Variants in CEP68 observed in about 807,000 individuals in gnomAD.
CEP68 encodes centrosomal protein of 68 kDa.
In CEP68, 26 loss-of-function variants were observed where a neutral mutation model predicts 55.3. The ratio of observed to expected loss-of-function variants is 0.47; its 90% confidence interval spans 0.34 to 0.65. The LOEUF is 0.65. Ranked by LOEUF, CEP68 falls within the 30% of genes least tolerant of loss-of-function variation. The pLI is 0.01. For synonymous variants in CEP68, 402 were observed against 383.2 expected (o/e 1.05, Z -0.57); for missense variants, 957 against 946.7 (o/e 1.01, Z -0.14).
chr2:65,071,633 A>G lies in CEP68; in HGVS notation c.537A>G (p.Ser179=). 2 of 1,614,170 alleles carry G rather than the reference A, an allele frequency of 1.2e-6. No homozygotes were observed. Among genetic ancestry groups the G allele is most frequent in the Non-Finnish European group, 8.5e-7 (1 of 1,180,028 alleles). ...ACAGCTCAGGTCTCTCTTGCCTGTCACAGTGGAAGTCCGTGCTGAGCCCAG... is the reference window on the plus strand; with the variant it reads ...ACAGCTCAGGTCTCTCTTGCCTGTCGCAGTGGAAGTCCGTGCTGAGCCCAG... ...QPHSSGLSCL[S]QWKSVLSPGS... Residue 179 remains serine (S), a synonymous_variant, in exon 3 of 7, where the codon TCA becomes TCG. Transcript: ENST00000377990.
chr2:65,082,576 T>C lies in CEP68; in HGVS notation c.2145T>C (p.Gly715=), dbSNP rs1668883933. 3 of 1,598,998 alleles carry C rather than the reference T, an allele frequency of 1.9e-6. No homozygotes were observed. Among genetic ancestry groups the C allele is most frequent in the Non-Finnish European group, 2.6e-6 (3 of 1,175,482 alleles). The change falls in exon 6 of 7, where the codon GGT becomes GGC. Residue 715 remains glycine, a synonymous_variant. Coordinates refer to ENST00000377990, the MANE Select transcript of CEP68 (RefSeq NM_015147.3). ...TTGGGAGGATCGCAAAGCAGTCTGG[T>C]GAGCTGGAGAGCCACGCAGATCGCC... ...DVLGRIAKQS[G]ELESHADRLY...
chr2:65,062,898 G>A (rs1220310725), intron 1 of CEP68, among the ~76,000 whole-genome samples: 2 of 152,114 alleles, frequency 1.3e-5, no homozygotes, highest in Non-Finnish European at 2.9e-5. Flanking sequence ...CTCTCTAGTT[G>A]ATCATTCATC....
rs762895922 is a variant in CEP68 at position 65,074,418 on chromosome 2, C to G, written c.2007+14C>G. ...CAGCTTTACCGGGTAATATGCGGTC[C>G]TGGCTCTGGCTTGTTCCCTCACAAG... On this transcript the variant is annotated intron_variant, in intron 4 of 6. Coordinates refer to ENST00000377990, the MANE Select transcript of CEP68 (RefSeq NM_015147.3). 3 of 1,613,900 alleles carry G rather than the reference C, an allele frequency of 1.9e-6. No homozygotes were observed. In the African/African-American group the frequency reaches 4.0e-5, roughly 22 times the overall value.
At chr2:65,062,878 A>T (rs1675981824) in intron 1 of CEP68, among the ~76,000 whole-genome samples, 1 of 151,880 alleles carries the variant, frequency 6.6e-6, no homozygotes, top group East Asian at 1.9e-4. Context: ...TTTTGTTGAA[A>T]GGAGGATTGC....
chr2:65,068,342 C>G (rs954221574), intron 1 of CEP68, among the ~76,000 whole-genome samples: 1 of 152,206 alleles, frequency 6.6e-6, no homozygotes, highest in Non-Finnish European at 1.5e-5. Flanking sequence ...TTTGCAGATT[C>G]AGCTCCCAAA....
rs148435152 is a variant in CEP68 at position 65,071,618 on chromosome 2, T to A, written c.522T>A (p.Gly174=). 347 of 1,614,096 alleles carry A rather than the reference T, an allele frequency of 2.1e-4. 1 individual carries two copies. The African/African-American group carries it at 4.1e-3, about 19-fold the overall frequency. The change falls in exon 3 of 7, where the codon GGT becomes GGA. Residue 174 remains glycine (G), a synonymous_variant. Transcript: ENST00000377990. ...TCAGCCAGCAGCCTCACAGCTCAGGTCTCTCTTGCCTGTCACAGTGGAAGT... is the reference window on the plus strand; with the variant it reads ...TCAGCCAGCAGCCTCACAGCTCAGGACTCTCTTGCCTGTCACAGTGGAAGT... ...LDLSQQPHSS[G]LSCLSQWKSV...
intron 4 of CEP68, among the ~76,000 whole-genome samples, chr2:65,076,482 G>A (rs1026500706): frequency 2.0e-5 from 3 of 152,210 alleles, no homozygotes; most frequent in Non-Finnish European, 4.4e-5. Flanking sequence ...AAGTGGGACT[G>A]TACTGCTAGC....
At position 65,057,576 on chromosome 2, in the gene CEP68, C is replaced by G. The variant is rs538273966; in HGVS notation, c.-47+1048C>G. On this transcript the variant is annotated intron_variant, in intron 1 of 6. Transcript: ENST00000377990. ...TTTTTTGGGCTACCTTCTGCAGCCTCTGTTTTTACTCATCACACTGTATTG... is the reference window on the plus strand; with the variant it reads ...TTTTTTGGGCTACCTTCTGCAGCCTGTGTTTTTACTCATCACACTGTATTG... Among the ~76,000 whole-genome samples the G allele has an allele frequency of 1.3e-4, 20 of 152,348 alleles. 1 individual carries two copies. In the South Asian group the frequency reaches 4.1e-3, roughly 32 times the overall value.
intron 1 of CEP68, among the ~76,000 whole-genome samples, chr2:65,061,972 A>G (rs1675931744): frequency 6.6e-6 from 1 of 152,228 alleles, no homozygotes; most frequent in Non-Finnish European, 1.5e-5. Flanking sequence ...TATTGGAGAA[A>G]GAGCAGCATG....
Position 65,072,858 on chromosome 2 carries a change from A to G in CEP68, c.1762A>G (p.Lys588Glu), listed in dbSNP as rs576040331. 1.9e-6 allele frequency: 3 copies of G among 1,614,206 alleles called. No individual in the cohort carries two copies. The highest frequency in any genetic ancestry group is 1.7e-5 in the Admixed American group (1 of 60,024). Residue 588 changes from lysine (K) to glutamate (E), a missense_variant, in exon 3 of 7, where the codon AAA (lysine) becomes GAA (glutamate). By Grantham distance (56) the Lys-to-Glu change is moderately conservative. Transcript: ENST00000377990. The stretch of plus-strand genomic sequence containing the variant: ...CCTCGGGGTCTCCTCTGGACTGCTG[A>G]AAACACGCCCCTCCTTGCCAGCTAG... ...QALGVSSGLL[K>E]TRPSLPARLD...
At position 65,072,398 on chromosome 2, in the gene CEP68, C is replaced by T; in HGVS notation, c.1302C>T (p.Gly434=). 2 of 1,613,918 alleles carry T rather than the reference C, an allele frequency of 1.2e-6. No homozygotes were observed. The highest frequency in any genetic ancestry group is 1.7e-6 in the Non-Finnish European group (2 of 1,180,028). Residue 434 remains glycine (G), a synonymous_variant, in exon 3 of 7, where the codon GGC becomes GGT. Coordinates refer to ENST00000377990, the MANE Select transcript of CEP68 (RefSeq NM_015147.3). ...RLTIGKHLDM[G]SPQLRTRDRG... is the part of the protein sequence containing the mutation. ...CTATAGGCAAGCACCTTGATATGGGCTCTCCCCAGCTAAGGACACGGGACA... is the reference window on the plus strand; with the variant it reads ...CTATAGGCAAGCACCTTGATATGGGTTCTCCCCAGCTAAGGACACGGGACA...
At chr2:65,063,263 T>C (rs1675998806) in intron 1 of CEP68, among the ~76,000 whole-genome samples, 1 of 152,244 alleles carries the variant, frequency 6.6e-6, no homozygotes, top group Non-Finnish European at 1.5e-5. Context: ...TTATGTGGCT[T>C]GTCTCTTGGT....
chr2:65,064,401 G>T (rs1056593810), intron 1 of CEP68, among the ~76,000 whole-genome samples: 1 of 152,176 alleles, frequency 6.6e-6, no homozygotes, highest in African/African-American at 2.4e-5. Context: ...CCTTTAGTGA[G>T]AGGTGTGGGG....
Position 65,071,942 on chromosome 2 carries a change from G to C in CEP68, c.846G>C (p.Leu282=), listed in dbSNP as rs1676486743. ...GGGCCTGTGTGCTGCCAGATTCCCT[G>C]CCTCCATCACCCGACCGCCACTCCC... ...EYWACVLPDS[L]PPSPDRHSPL... Residue 282 remains leucine (L), a synonymous_variant, in exon 3 of 7, where the codon CTG becomes CTC. Transcript: ENST00000377990. The C allele has an allele frequency of 6.2e-7, 1 of 1,612,768 alleles. No individual in the cohort carries two copies.
chr2:65,061,396 T>C (rs1277117090), intron 1 of CEP68, among the ~76,000 whole-genome samples: 1 of 152,196 alleles, frequency 6.6e-6, no homozygotes, highest in Non-Finnish European at 1.5e-5. Flanking sequence ...AGATTCCTTC[T>C]GTTCTTTTGA....
In CEP68 at chr2:65,086,378, C is replaced by T. The variant is rs934801005; in HGVS notation, c.*2744C>T. 1 of 152,042 alleles carries T rather than the reference C, an allele frequency of 6.6e-6. No individual in the cohort carries two copies. The highest frequency in any genetic ancestry group is 1.5e-5 in the Non-Finnish European group (1 of 68,008). The allele number at this position is 152,042 out of a possible 1,614,324, so 9.4% of individuals were successfully genotyped here. On this transcript the variant is annotated 3_prime_UTR_variant, in exon 7 of 7. Coordinates refer to ENST00000377990, the MANE Select transcript of CEP68 (RefSeq NM_015147.3). ...ATTAAAACCTGTAGTAGCTTTGAAC[C>T]GTTTGTACTTGAAAATGGGGGTATA...
chr2:65,057,463 C>T (rs927451720), intron 1 of CEP68, among the ~76,000 whole-genome samples: 1 of 152,140 alleles, frequency 6.6e-6, no homozygotes, highest in Admixed American at 6.5e-5. Context: ...AAAACAACAA[C>T]AACAAAAAAC....
chr2:65,057,935 C>T (rs1675718426), intron 1 of CEP68, among the ~76,000 whole-genome samples: 1 of 151,716 alleles, frequency 6.6e-6, no homozygotes, highest in Non-Finnish European at 1.5e-5. Context: ...GGATTACAGG[C>T]GTGTCATTAA....
In CEP68 at chr2:65,086,283, T is replaced by C. The variant is rs1005586427; in HGVS notation, c.*2649T>C. On this transcript the variant is annotated 3_prime_UTR_variant, in exon 7 of 7. Coordinates refer to ENST00000377990, the MANE Select transcript of CEP68 (RefSeq NM_015147.3). ...GATTTAAGAACACTCTTCTTCACTA[T>C]GTAAACTAATTTATGGCAGCACCTT... 15 of 152,256 alleles carry C rather than the reference T, an allele frequency of 9.9e-5. No homozygotes were observed. The highest frequency in any genetic ancestry group is 1.8e-4 in the Non-Finnish European group (12 of 68,048). The allele number at this position is 152,256 out of a possible 1,614,324, so 9.4% of individuals were successfully genotyped here. A position where few individuals can be genotyped will look rare whatever the true frequency, so the allele number is the denominator to read the frequency against.
Sources: gnomAD v4.1 joint callset for allele counts (sites outside exome capture counted in the v4.1 genomes callset) on GRCh38, gnomAD v4.1.1 for gene constraint, MANE v1.5 for transcripts, NCBI Gene and HGNC (gene_info 2026-07-23, HGNC 2026-07-21) for gene names.